USP11: variants seen among roughly 807,000 people sequenced by gnomAD.
The protein encoded by USP11 is ubiquitin carboxyl-terminal hydrolase 11.
In USP11, 5 loss-of-function variants were observed where a neutral mutation model predicts 72.8. The ratio of observed to expected loss-of-function variants is 0.07; its 90% CI spans 0.04 to 0.14. The LOEUF is 0.14. Ranked by LOEUF, USP11 falls within the 10% of genes least tolerant of loss-of-function variation. The pLI, the probability that USP11 is intolerant of heterozygous loss-of-function variation, is 1.00. For synonymous variants in USP11, 368 were observed against 326.5 expected (o/e 1.13, Z -1.37); for missense variants, 480 against 794.7 (o/e 0.60, Z 4.76).
chrX:47,240,521 A>G, intron 5 of USP11, 66 bp from the exon 6 acceptor site: 2 of 1,207,854 alleles, frequency 1.7e-6, no homozygotes, highest in Non-Finnish European at 1.1e-6. Context: ...CTCGGGGGAA[A>G]TGAAGGCTAG....
Position 47,247,304 on chromosome X carries a change from G to A in USP11, c.2421G>A (p.Arg807=). ...KLDTLVEFPI[R]DLDFSEFVIQ... ...GTATTAACCCTCTCCCCACCCACAGGGACCTGGACTTCTCTGAGTTTGTCA... is the reference window on the plus strand; with the variant it reads ...GTATTAACCCTCTCCCCACCCACAGAGACCTGGACTTCTCTGAGTTTGTCA... Residue 807 remains arginine, a splice_region_variant and synonymous_variant, in exon 19 of 21, where the codon CGG becomes CGA. Transcript: ENST00000377107. 1 of 1,210,997 alleles carries A rather than the reference G, an allele frequency of 8.3e-7. No individual in the cohort carries two copies. Among genetic ancestry groups the A allele is most frequent in the Non-Finnish European group, 1.1e-6 (1 of 895,140 alleles).
intron 6 of USP11, 42 bp downstream of exon 6, chrX:47,240,690 C>T (rs781499515): frequency 1.6e-5 from 19 of 1,208,649 alleles, no homozygotes; most frequent in East Asian, 3.0e-5. Flanking sequence ...GGGCGTCCCA[C>T]AGTAGGCAAA....
rs1310295481 is a variant in USP11, at chrX:47,242,857, G to A, written c.1583+137G>A. The A allele has an allele frequency of 6.0e-6, 3 of 501,893 alleles. No individual in the cohort carries two copies. The East Asian group carries it at 1.1e-4, about 18-fold the overall frequency. The allele number at this position is 501,893 out of a possible 1,213,427, so 41.4% of individuals were successfully genotyped here. A position where few individuals can be genotyped will look rare whatever the true frequency, so the allele number is the denominator to read the frequency against. ...GGCACCTGCCCTGCGCAGAGCTTCAGCCACATGCCTTGGGAGGCTGAGGCA... is the reference window on the plus strand; with the variant it reads ...GGCACCTGCCCTGCGCAGAGCTTCAACCACATGCCTTGGGAGGCTGAGGCA... On this transcript the variant is annotated intron_variant, in intron 12 of 20. Coordinates refer to ENST00000377107, the MANE Select transcript of USP11 (RefSeq NM_001371072.1).
In USP11 at chrX:47,247,354, C is replaced by T. The variant is rs140077263; in HGVS notation, c.2471C>T (p.Pro824Leu). The stretch of plus-strand genomic sequence containing the variant: ...ATCCAGCCACAGAATGAGTCGAATC[C>T]GGAGCTGTACAAATATGACCTCATC... ...FVIQPQNESN[P>L]ELYKYDLIAV... Residue 824 changes from proline to leucine, a missense_variant, in exon 19 of 21, where the codon CCG becomes CTG. Coordinates refer to ENST00000377107, the MANE Select transcript of USP11 (RefSeq NM_001371072.1). The T allele has an allele frequency of 3.9e-5, 47 of 1,209,231 alleles. No individual in the cohort carries two copies. The highest frequency in any genetic ancestry group is 5.3e-5 in the South Asian group (3 of 56,742).
chrX:47,247,710 C>G lies in USP11; in HGVS notation c.2625+11C>G, dbSNP rs771098778. 2 of 1,210,000 alleles carry G rather than the reference C, an allele frequency of 1.7e-6. No individual in the cohort carries two copies. The highest frequency in any genetic ancestry group is 2.2e-6 in the Non-Finnish European group (2 of 894,290). On this transcript the variant is annotated intron_variant, in intron 20 of 20. Transcript: ENST00000377107. ...GAGAATCAGATCGAGGTGTGACTTC[C>G]ATCCTACCTCCTCCCCTTCTTCCTT... is the stretch of plus-strand genomic sequence containing the variant.
At chrX:47,240,918 G>A (rs2055399100) in intron 7 of USP11, 42 bp downstream of exon 7, 6 of 1,143,146 alleles carry the variant, frequency 5.2e-6, no homozygotes, top group Middle Eastern at 2.4e-4. Flanking sequence ...CACGTGGTTG[G>A]GCTTCAAGAG....
At chrX:47,247,509 G>A (rs768358046) in intron 19 of USP11, 90 bp downstream of exon 19, 247 of 1,158,250 alleles carry the variant, frequency 2.1e-4, no homozygotes, top group African/African-American at 1.4e-3. Context: ...AGGGATGTGA[G>A]CCAGTGGTGA....
Position 47,233,176 on chromosome X carries a change from G to A in USP11, c.133G>A (p.Gly45Ser), listed in dbSNP as rs1379839750. 1 of 1,183,998 alleles carries A rather than the reference G, an allele frequency of 8.4e-7. No individual in the cohort carries two copies. Among genetic ancestry groups the A allele is most frequent in the South Asian group, 1.8e-5 (1 of 54,173 alleles). Residue 45 changes from glycine to serine, a missense_variant, in exon 1 of 21, where the codon GGC (glycine) becomes AGC (serine). Transcript: ENST00000377107. ...LDSQWRQIEN[G>S]ESGRERPLRA... is the part of the protein sequence containing the mutation. ...CAGCCAGTGGCGCCAGATAGAAAAC[G>A]GCGAGAGTGGGCGAGAACGTCCACT...
chrX:47,240,354 A>G lies in USP11; in HGVS notation c.585A>G (p.Glu195=), dbSNP rs772341472. Residue 195 remains glutamate (E), a synonymous_variant, in exon 5 of 21, where the codon GAA becomes GAG. Coordinates refer to ENST00000377107, the MANE Select transcript of USP11 (RefSeq NM_001371072.1). The stretch of plus-strand genomic sequence containing the variant: ...AGCGGTTTCTGGTGGAGCCCCAGGA[A>G]GACACTCGGCTTTGGGCCAAGAACT... ...ARERFLVEPQ[E]DTRLWAKNSE... The G allele has an allele frequency of 5.0e-6, 6 of 1,211,711 alleles. No homozygotes were observed. The highest frequency in any genetic ancestry group is 5.6e-6 in the Non-Finnish European group (5 of 895,475).
rs765036191 is a variant in USP11, at chrX:47,247,839, G to A, written c.2672G>A (p.Arg891Gln). The change falls in exon 21 of 21, where the codon CGA becomes CAA. Residue 891 changes from arginine to glutamine, a missense_variant. Arg to Gln is a conservative substitution (Grantham distance 43). This residue lies in a region of USP11 where 314 missense variants were observed against 556.0 expected (regional missense o/e 0.56). Coordinates refer to ENST00000377107, the MANE Select transcript of USP11 (RefSeq NM_001371072.1). The stretch of plus-strand genomic sequence containing the variant: ...TTCTACCAACGCCAGGACGTGGCGC[G>A]ACGCCTGCTGTCCCCGGCCGGCTCA... Reference protein sequence around the residue: ...VLFYQRQDVARRLLSPAGSSG... With the variant: ...VLFYQRQDVAQRLLSPAGSSG... The A allele has an allele frequency of 4.6e-5, 55 of 1,204,151 alleles. No individual in the cohort carries two copies. Among genetic ancestry groups the A allele is most frequent in the South Asian group, 3.0e-4 (17 of 56,355 alleles).
Position 47,243,447 on chromosome X carries a change from C to T in USP11, c.1635C>T (p.Ile545=), listed in dbSNP as rs199789866. 238 of 1,209,697 alleles carry T rather than the reference C, an allele frequency of 2.0e-4. No homozygotes were observed. Among genetic ancestry groups the T allele is most frequent in the Non-Finnish European group, 2.2e-4 (197 of 895,121 alleles). The change falls in exon 13 of 21, where the codon ATC becomes ATT. Residue 545 remains isoleucine (I), a synonymous_variant. Transcript: ENST00000377107. ...IEAIEGSRED[I]VVPVYLRERT... ...CCATTGAGGGCTCAAGAGAGGACAT[C>T]GTGGTTCCTGTCTACCTGCGGGAGC...
chrX:47,248,117 C>T lies in USP11; in HGVS notation c.*187C>T, dbSNP rs1037574358. On this transcript the variant is annotated 3_prime_UTR_variant, in exon 21 of 21. Transcript: ENST00000377107. ...CGGGAAAGAACAGGTCGTGTCTCCT[C>T]CTAGCAGTGCGCGCCCCGCCTGTGT... 1.6e-6 allele frequency: 1 copy of T among 621,386 alleles called. No homozygotes were observed. Among genetic ancestry groups the T allele is most frequent in the African/African-American group, 2.3e-5 (1 of 43,490 alleles). The allele number at this position is 621,386 out of a possible 1,213,427, so 51.2% of individuals were successfully genotyped here. A position where few individuals can be genotyped will look rare whatever the true frequency, so the allele number is the denominator to read the frequency against.
intron 1 of USP11, among the ~76,000 whole-genome samples, chrX:47,236,598 C>T (rs1332152269): frequency 8.9e-6 from 1 of 111,835 alleles, no homozygotes. Context: ...GTGGGATGAA[C>T]CATCTTCAAA....
Position 47,233,019 on chromosome X carries a change from T to C in USP11, c.-25T>C. On this transcript the variant is annotated 5_prime_UTR_variant, in exon 1 of 21. Transcript: ENST00000377107. ...GTCTTCCAATCTCGCACAGCTGCGT[T>C]GGCTGTAGAAGAGAACGGACGGCGA... 1 of 1,211,629 alleles carries C rather than the reference T, an allele frequency of 8.3e-7. No individual in the cohort carries two copies. Among genetic ancestry groups the C allele is most frequent in the Non-Finnish European group, 1.1e-6 (1 of 895,385 alleles).
At chrX:47,242,367 A>G (rs1382948363) in intron 10 of USP11, 61 bp downstream of exon 10, 19 of 1,203,813 alleles carry the variant, frequency 1.6e-5, no homozygotes, top group Admixed American at 6.6e-5. Flanking sequence ...ATTAGCTGCC[A>G]TAGCTCAAGG....
chrX:47,245,112 G>C (rs755473507), intron 16 of USP11, 26 bp downstream of exon 16: 1 of 1,201,581 alleles, frequency 8.3e-7, no homozygotes, highest in East Asian at 3.0e-5. Context: ...GGGATGGGGG[G>C]TACTTCCAGC....
intron 9 of USP11, 144 bp downstream of exon 9, chrX:47,241,843 C>A: frequency 1.2e-6 from 1 of 838,728 alleles, no homozygotes; most frequent in Non-Finnish European, 1.6e-6. Flanking sequence ...TTACTCTTAA[C>A]CTTAGTTGCA....
intron 4 of USP11, 71 bp downstream of exon 4, chrX:47,239,978 A>G: frequency 9.5e-7 from 1 of 1,053,062 alleles, no homozygotes; most frequent in Non-Finnish European, 1.3e-6. Flanking sequence ...TTGAGGTTGC[A>G]TAGGGTTAAG....
chrX:47,234,941 T>C (rs942575508), intron 1 of USP11, among the ~76,000 whole-genome samples: 3 of 112,533 alleles, frequency 2.7e-5, no homozygotes, highest in South Asian at 3.6e-4. Context: ...GAGTAAAATA[T>C]TAGATTTGGA....
Sources: allele counts gnomAD v4.1 joint callset (sites outside exome capture counted in the v4.1 genomes callset), GRCh38; gene constraint gnomAD v4.1.1; regional missense constraint gnomAD v4.1.1; transcripts MANE v1.5; gene names NCBI Gene and HGNC (gene_info 2026-07-23, HGNC 2026-07-21).